SRPK1: variants seen among roughly 807,000 people sequenced by gnomAD.
SRPK1 encodes SRSF protein kinase 1.
In SRPK1, 52 loss-of-function variants were observed where a neutral mutation model predicts 89.5. That is an observed-to-expected ratio of 0.58 (90% CI 0.46 to 0.73). The LOEUF is 0.73. SRPK1 is among the 30% of genes least tolerant of loss of function. The pLI, the probability that SRPK1 is intolerant of heterozygous loss-of-function variation, is 0.00. For missense variants in SRPK1, 603 were observed against 780.6 expected (o/e 0.77, Z 2.71); for synonymous variants, 255 against 270.2 (o/e 0.94, Z 0.55).
intron 2 of SRPK1, among the ~76,000 whole-genome samples, chr6:35,912,096 G>A (rs1465727103): frequency 6.6e-6 from 1 of 152,074 alleles, no homozygotes; most frequent in African/African-American, 2.4e-5. Flanking sequence ...CTACTCAGGA[G>A]GCTAAGGCAG....
intron 14 of SRPK1, among the ~76,000 whole-genome samples, chr6:35,842,171 T>C (rs1355364568): frequency 6.6e-6 from 1 of 152,186 alleles, no homozygotes; most frequent in Admixed American, 6.5e-5. Context: ...TTAAAATAAC[T>C]GACCTCTAAA....
intron 13 of SRPK1, 57 bp downstream of exon 13, chr6:35,857,204 A>C (rs767041952): frequency 1.5e-6 from 2 of 1,294,348 alleles, no homozygotes; most frequent in Non-Finnish European, 2.2e-6. Flanking sequence ...TGAAATTAGC[A>C]AACAGGGCAA....
intron 6 of SRPK1, among the ~76,000 whole-genome samples, chr6:35,875,373 G>A (rs958555898): frequency 4.0e-5 from 6 of 151,112 alleles, no homozygotes; most frequent in African/African-American, 1.5e-4. Context: ...GTACCACCAC[G>A]CTGGGCTAAT....
intron 13 of SRPK1, chr6:35,857,011 TC>T (rs1047953333): frequency 2.1e-4 from 87 of 406,080 alleles, no homozygotes; most frequent in Middle Eastern, 1.9e-3. Flanking sequence ...TTTCATTATT[TC>T]CCCCCACTAA....
chr6:35,845,576 G>C (rs1769408472), intron 13 of SRPK1, among the ~76,000 whole-genome samples: 1 of 152,204 alleles, frequency 6.6e-6, no homozygotes, highest in African/African-American at 2.4e-5. Flanking sequence ...ATTACATTCA[G>C]ATCCAGAAGT....
chr6:35,840,204 G>A (rs1196242167), intron 14 of SRPK1, among the ~76,000 whole-genome samples: 3 of 152,112 alleles, frequency 2.0e-5, no homozygotes, highest in African/African-American at 4.8e-5. Context: ...ATCTTATAGG[G>A]GAAATAACAT....
chr6:35,889,019 A>G (rs544577893), intron 3 of SRPK1, 96 bp from the exon 4 acceptor site: 1 of 731,214 alleles, frequency 1.4e-6, no homozygotes, highest in African/African-American at 1.8e-5. Flanking sequence ...ACATCTATAT[A>G]CCTTTTATCA....
At chr6:35,883,899 T>A (rs1770349710) in intron 6 of SRPK1, among the ~76,000 whole-genome samples, 1 of 151,650 alleles carries the variant, frequency 6.6e-6, no homozygotes, top group Admixed American at 6.6e-5. Context: ...CACGCCCAGC[T>A]TTTTTTTGTA....
chr6:35,870,028 T>A (rs1183378402), intron 10 of SRPK1, 127 bp from the exon 11 acceptor site: 7 of 1,142,894 alleles, frequency 6.1e-6, no homozygotes, highest in Non-Finnish European at 8.5e-6. Context: ...TGACTAAACA[T>A]CTAAAACCTA....
intron 6 of SRPK1, among the ~76,000 whole-genome samples, chr6:35,875,245 T>C (rs1484300386): frequency 2.6e-5 from 4 of 151,132 alleles, no homozygotes; most frequent in Non-Finnish European, 4.4e-5. Context: ...CCAGCCAACA[T>C]GGAGACTTCT....
At chr6:35,895,775 C>T (rs916147012) in intron 2 of SRPK1, 10 of 152,246 alleles carry the variant, frequency 6.6e-5, no homozygotes, top group African/African-American at 2.4e-4. Context: ...TTTCCATACT[C>T]AGTCTATTAG....
intron 6 of SRPK1, among the ~76,000 whole-genome samples, chr6:35,886,098 T>TA (rs1770403722): frequency 7.3e-6 from 1 of 137,664 alleles, no homozygotes; most frequent in Non-Finnish European, 1.6e-5. Flanking sequence ...TTTTTTTTTT[T>TA]AGACAGAGTC....
chr6:35,885,338 C>A (rs551702393), intron 6 of SRPK1, among the ~76,000 whole-genome samples: 15 of 144,914 alleles, frequency 1.0e-4, no homozygotes, highest in Non-Finnish European at 1.8e-4. Flanking sequence ...GAGCCATCTA[C>A]AAAGTGACCA....
chr6:35,838,265 G>T, intron 15 of SRPK1, 72 bp downstream of exon 15: 1 of 1,006,134 alleles, frequency 9.9e-7, no homozygotes, highest in Non-Finnish European at 1.4e-6. Context: ...GTAGGACATT[G>T]GGAATATGTG....
Position 35,835,408 on chromosome 6 carries a change from C to A in SRPK1, c.1864G>T (p.Glu622Ter). 1 of 1,613,772 alleles carries A rather than the reference C, an allele frequency of 6.2e-7. No individual in the cohort carries two copies. The highest frequency in any genetic ancestry group is 8.5e-7 in the Non-Finnish European group (1 of 1,179,834). The stretch of plus-strand genomic sequence containing the variant: ...AAGAAATCTGTGAAGCCAGCTGCCT[C>A]TTCCTGCGACCACTCATACTTCTCC... ...LVEKYEWSQE[E>*]AAGFTDFLLP... The change falls in exon 16 of 16, where the codon GAG becomes TAG. Residue 622 changes from glutamate to a stop codon, truncating the protein, a stop_gained. Coordinates refer to ENST00000373825, the MANE Select transcript of SRPK1 (RefSeq NM_003137.5). LOFTEE classifies it high-confidence loss of function.
At chr6:35,884,118 T>C (rs943697560) in intron 6 of SRPK1, among the ~76,000 whole-genome samples, 3 of 151,978 alleles carry the variant, frequency 2.0e-5, no homozygotes, top group Non-Finnish European at 2.9e-5. Flanking sequence ...CTTATGTTAT[T>C]GAGTAAGCAC....
Position 35,869,034 on chromosome 6 carries a change from A to G in SRPK1, c.1488T>C (p.Ala496=). Residue 496 remains alanine, a synonymous_variant, in exon 12 of 16, where the codon GCT becomes GCC. Coordinates refer to ENST00000373825, the MANE Select transcript of SRPK1 (RefSeq NM_003137.5). ...CCACCCAACAAGCATTTCCAAGGTC[A>G]GCAATCTTCACCTTGAGCTTTTCTG... is the stretch of plus-strand genomic sequence containing the variant. ...KNAEKLKVKI[A]DLGNACWVHK... The G allele has an allele frequency of 6.2e-7, 1 of 1,614,102 alleles. No individual in the cohort carries two copies. Among genetic ancestry groups the G allele is most frequent in the Non-Finnish European group, 8.5e-7 (1 of 1,179,984 alleles).
At chr6:35,888,441 A>G (rs1312370732) in intron 4 of SRPK1, among the ~76,000 whole-genome samples, 1 of 152,198 alleles carries the variant, frequency 6.6e-6, no homozygotes, top group Non-Finnish European at 1.5e-5. Context: ...CCAAATTCCA[A>G]GTGTTCTGTG....
In SRPK1 at chr6:35,834,712, G is replaced by A. The variant is rs1367115404; in HGVS notation, c.*592C>T. On this transcript the variant is annotated 3_prime_UTR_variant, in exon 16 of 16. Transcript: ENST00000373825. ...AAGGAATTTGACAGTGCTTTGAACA[G>A]TGATAAAATGGTACCCAAATTTGGT... 6.6e-6 allele frequency: 1 copy of A among 152,184 alleles called. No homozygotes were observed. Among genetic ancestry groups the A allele is most frequent in the Non-Finnish European group, 1.5e-5 (1 of 68,034 alleles). 9.4% of individuals were successfully genotyped at this position (152,184 alleles called of 1,614,324 possible).
Sources: gnomAD v4.1 joint callset for allele counts (sites outside exome capture counted in the v4.1 genomes callset) on GRCh38, gnomAD v4.1.1 for gene constraint, MANE v1.5 for transcripts, NCBI Gene and HGNC (gene_info 2026-07-23, HGNC 2026-07-21) for gene names.